The following THSD4 variants were observed in gnomAD, a reference collection of about 807,000 sequenced individuals.
THSD4 encodes the protein thrombospondin type-1 domain-containing protein 4.
In THSD4, 69 loss-of-function variants were observed where a neutral mutation model predicts 119.0. The observed-to-expected ratio is 0.58, with a 90% CI of 0.48 to 0.71. The LOEUF (loss-of-function observed/expected upper bound fraction) is 0.71, where lower values mean the gene tolerates loss of function less well. Ranked by LOEUF, THSD4 falls within the 30% of genes least tolerant of loss-of-function variation. THSD4 has a pLI of 0.00. For synonymous variants in THSD4, 524 were observed against 540.4 expected, an observed-to-expected ratio of 0.97 and a Z score of 0.42; for missense variants, 1,393 against 1,391.1, an observed-to-expected ratio of 1.00 and a Z score of -0.02.
intron 3 of THSD4, among the ~76,000 whole-genome samples, chr15:71,202,274 C>A (rs2043810144): frequency 6.6e-6 from 1 of 152,216 alleles, no homozygotes; most frequent in South Asian, 2.1e-4. Flanking sequence ...GCCTGTTTAC[C>A]TTTCTCTCTG....
chr15:71,763,901 C>CA (rs934725283), intron 15 of THSD4, among the ~76,000 whole-genome samples: 1 of 151,778 alleles, frequency 6.6e-6, no homozygotes, highest in Non-Finnish European at 1.5e-5. Flanking sequence ...CCCATCTCTA[C>CA]AAAAAAATAC....
intron 8 of THSD4, among the ~76,000 whole-genome samples, chr15:71,703,554 A>G (rs1259568244): frequency 6.6e-6 from 1 of 152,092 alleles, no homozygotes; most frequent in Non-Finnish European, 1.5e-5. Context: ...CAGCAAAGAG[A>G]GGGGACAGGG....
intron 6 of THSD4, among the ~76,000 whole-genome samples, chr15:71,315,708 C>G (rs2045178095): frequency 6.6e-6 from 1 of 152,190 alleles, no homozygotes; most frequent in South Asian, 2.1e-4. Context: ...TTAGAAAACA[C>G]TATTTTAAAC....
At chr15:71,639,203 CAG>C (rs1451566608) in intron 7 of THSD4, among the ~76,000 whole-genome samples, 1 of 152,188 alleles carries the variant, frequency 6.6e-6, no homozygotes, top group Non-Finnish European at 1.5e-5. Context: ...TAATGGCTAA[CAG>C]AAATCCATTC....
rs1020762341 is a variant in THSD4 at position 71,242,630 on chromosome 15, CTT to C, written c.465-18_465-17del. The C allele has an allele frequency of 8.1e-6, 13 of 1,607,052 alleles. No individual in the cohort carries two copies. The highest frequency in any genetic ancestry group is 1.0e-5 in the Non-Finnish European group (12 of 1,174,876). ...TCATCCGACTCTGATCATCTCCTCT[CTT>C]GTCTATCTCTCTTTAGGAGCAGGAC... On this transcript the variant is annotated splice_polypyrimidine_tract_variant and intron_variant, in intron 4 of 17. Coordinates refer to ENST00000261862, the MANE Select transcript of THSD4 (RefSeq NM_024817.3).
chr15:71,255,951 G>C (rs2044310323), intron 5 of THSD4, among the ~76,000 whole-genome samples: 1 of 152,192 alleles, frequency 6.6e-6, no homozygotes, highest in East Asian at 1.9e-4. Flanking sequence ...TGGCCTCTTT[G>C]AGAGAATGGA....
chr15:71,749,524 G>A (rs560588142), intron 14 of THSD4, among the ~76,000 whole-genome samples: 1 of 152,140 alleles, frequency 6.6e-6, no homozygotes, highest in African/African-American at 2.4e-5. Context: ...CTTGGTTAGC[G>A]GCCTACCTCT....
rs542836155 is a variant in THSD4 at position 71,155,483 on chromosome 15, C to T, written c.99+551C>T. On this transcript the variant is annotated intron_variant, in intron 3 of 17. Transcript: ENST00000261862. ...GGGGACACAGATCTGAACCATGTCA[C>T]GGAGCTTAAAACATGAAGCTGGTAC... Among the ~76,000 whole-genome samples the T allele has an allele frequency of 9.2e-5, 14 of 152,290 alleles. No individual in the cohort carries two copies. The South Asian group carries it at 2.7e-3, about 29-fold the overall frequency.
At chr15:71,350,141 T>TAAAAAAAAAAAAAAA (rs3086680) in intron 6 of THSD4, among the ~76,000 whole-genome samples, 1 of 111,174 alleles carries the variant, frequency 9.0e-6, no homozygotes, top group Non-Finnish European at 1.9e-5. Context: ...TGCAAATTAC[T>TAAAAAAAAAAAAAAA]AAAAAAAAAA....
At chr15:71,319,288 A>G (rs1451988407) in intron 6 of THSD4, among the ~76,000 whole-genome samples, 1 of 152,066 alleles carries the variant, frequency 6.6e-6, no homozygotes, top group Non-Finnish European at 1.5e-5. Context: ...CATGTGCACA[A>G]CGTGCAGGTT....
chr15:71,478,238 G>A (rs1188301312), intron 7 of THSD4, among the ~76,000 whole-genome samples: 1 of 152,174 alleles, frequency 6.6e-6, no homozygotes, highest in Non-Finnish European at 1.5e-5. Flanking sequence ...CTGCCTCTAG[G>A]AAGTATATAA....
At chr15:71,413,958 T>C (rs1212960540) in intron 7 of THSD4, among the ~76,000 whole-genome samples, 1 of 152,252 alleles carries the variant, frequency 6.6e-6, no homozygotes, top group Non-Finnish European at 1.5e-5. Context: ...AATCTAGCTT[T>C]ATCTTTCAGA....
intron 10 of THSD4, among the ~76,000 whole-genome samples, chr15:71,735,283 G>A (rs1025151341): frequency 6.6e-6 from 1 of 152,160 alleles, no homozygotes; most frequent in African/African-American, 2.4e-5. Context: ...GGGGGGCACA[G>A]GAAGCTGGTG....
At chr15:71,237,010 A>G (rs1408860946) in intron 4 of THSD4, among the ~76,000 whole-genome samples, 4 of 152,240 alleles carry the variant, frequency 2.6e-5, no homozygotes, top group African/African-American at 9.6e-5. Context: ...GAAACAGCAT[A>G]GGTCAAAACA....
intron 1 of THSD4, among the ~76,000 whole-genome samples, chr15:71,134,416 G>A (rs1044698512): frequency 1.3e-5 from 2 of 152,244 alleles, no homozygotes; most frequent in Non-Finnish European, 2.9e-5. Flanking sequence ...AGCGCCTTCA[G>A]CGCCTTCATT....
At chr15:71,112,632 C>T (rs1456865613), upstream of THSD4, among the ~76,000 whole-genome samples, 1 of 152,190 alleles carries the variant, frequency 6.6e-6, no homozygotes, top group African/African-American at 2.4e-5. Context: ...ACATGCCAGG[C>T]AGGCCCCCAG....
chr15:71,236,151 C>A (rs1223280955), intron 4 of THSD4, among the ~76,000 whole-genome samples: 1 of 152,116 alleles, frequency 6.6e-6, no homozygotes, highest in Non-Finnish European at 1.5e-5. Flanking sequence ...AAGGAACTTG[C>A]CTGAGCTCTA....
intron 6 of THSD4, among the ~76,000 whole-genome samples, chr15:71,386,628 G>T (rs1450731423): frequency 4.6e-5 from 7 of 152,228 alleles, no homozygotes. Context: ...TAAATTTCCA[G>T]CAGATGGAGA....
chr15:71,575,168 G>A lies in THSD4; in HGVS notation c.1153-85362G>A, dbSNP rs3925043. On this transcript the variant is annotated intron_variant, in intron 7 of 17. Coordinates refer to ENST00000261862, the MANE Select transcript of THSD4 (RefSeq NM_024817.3). The stretch of plus-strand genomic sequence containing the variant: ...CCTAGACTTCTCTAAAGCTGGGCTT[G>A]TTTGGTTTTTTCAATTTTATGGATT... Among the ~76,000 whole-genome samples, 698 of 152,240 alleles carry A rather than the reference G, an allele frequency of 4.6e-3. 8 individuals are homozygous for A. Among genetic ancestry groups the A allele is most frequent in the Middle Eastern group, 0.02 (6 of 294 alleles).
Sources: gnomAD v4.1 joint callset for allele counts (sites outside exome capture counted in the v4.1 genomes callset) on GRCh38, gnomAD v4.1.1 for gene constraint, MANE v1.5 for transcripts, NCBI Gene and HGNC (gene_info 2026-07-23, HGNC 2026-07-21) for gene names.